CLDN16: variants seen among roughly 807,000 people sequenced by gnomAD.
CLDN16 encodes claudin 16, also known as claudin-16.
Under a neutral mutation model 24.6 loss-of-function variants are expected in CLDN16, and 13 were observed. The ratio of observed to expected loss-of-function variants is 0.53; its 90% CI spans 0.34 to 0.84. The LOEUF is 0.84. CLDN16 is among the 40% of genes least tolerant of loss of function. The pLI, the probability that CLDN16 is intolerant of heterozygous loss-of-function variation, is 0.01. For missense variants in CLDN16, 298 were observed against 292.7 expected, an observed-to-expected ratio of 1.02 and a Z score of -0.13; for synonymous variants, 116 against 106.7, an observed-to-expected ratio of 1.09 and a Z score of -0.54.
At chr3:190,372,708 T>C (rs1229677067) in intron 2 of CLDN16, among the ~76,000 whole-genome samples, 1 of 151,980 alleles carries the variant, frequency 6.6e-6, no homozygotes, top group African/African-American at 2.4e-5. Context: ...ACCTGTGTAA[T>C]GTGGCCCTTT....
intron 1 of CLDN16, among the ~76,000 whole-genome samples, chr3:190,390,997 G>C (rs1718643639): frequency 6.6e-6 from 1 of 152,026 alleles, no homozygotes; most frequent in Non-Finnish European, 1.5e-5. Context: ...CTGTTCTCTA[G>C]GCTGGTCTCC....
chr3:190,333,511 T>C (rs1038612859), intron 1 of CLDN16, among the ~76,000 whole-genome samples: 3 of 149,434 alleles, frequency 2.0e-5, no homozygotes, highest in Middle Eastern at 3.2e-3. Context: ...ACTATGTAGC[T>C]AAAACAATTA....
intron 1 of CLDN16, among the ~76,000 whole-genome samples, chr3:190,327,283 A>C (rs564087380): frequency 3.9e-4 from 59 of 152,290 alleles, no homozygotes; most frequent in African/African-American, 1.3e-3. Flanking sequence ...CAAATTACGG[A>C]GGGTAATGCA....
intron 1 of CLDN16, among the ~76,000 whole-genome samples, chr3:190,355,737 T>G (rs1392306296): frequency 6.6e-6 from 1 of 151,806 alleles, no homozygotes; most frequent in Non-Finnish European, 1.5e-5. Context: ...GCATTGAGAT[T>G]CTAGTGGTAT....
intron 1 of CLDN16, among the ~76,000 whole-genome samples, chr3:190,354,211 A>G (rs902313922): frequency 1.3e-5 from 2 of 152,036 alleles, no homozygotes; most frequent in African/African-American, 4.8e-5. Context: ...TTTTTGGAGT[A>G]TAATATTAAC....
chr3:190,356,269 A>G (rs537833296), intron 1 of CLDN16, among the ~76,000 whole-genome samples: 2 of 151,638 alleles, frequency 1.3e-5, no homozygotes, highest in African/African-American at 2.4e-5. Flanking sequence ...ATATGTCTCT[A>G]CATTTTTTTT....
At chr3:190,333,583 A>ATCT (rs1717233408) in intron 1 of CLDN16, among the ~76,000 whole-genome samples, 2 of 23,516 alleles carry the variant, frequency 8.5e-5, no homozygotes, top group Non-Finnish European at 1.8e-4. Flanking sequence ...TCTATCTATC[A>ATCT]ATCATCTTTC....
At chr3:190,348,105 A>T (rs10937428) in intron 1 of CLDN16, among the ~76,000 whole-genome samples, 42,566 of 146,154 alleles carry the variant, frequency 0.29, 6,741 homozygotes, top group East Asian at 0.59. Flanking sequence ...AAAAAAAAAA[A>T]ATTAGCTGGC....
At chr3:190,331,547 C>T (rs1047355810) in intron 1 of CLDN16, among the ~76,000 whole-genome samples, 39 of 152,244 alleles carry the variant, frequency 2.6e-4, no homozygotes, top group African/African-American at 8.9e-4. Flanking sequence ...CTCTGTTGTA[C>T]TTGACAATTT....
intron 1 of CLDN16, among the ~76,000 whole-genome samples, chr3:190,340,736 AATCTC>A (rs1415981371): frequency 6.6e-6 from 1 of 152,126 alleles, no homozygotes; most frequent in Non-Finnish European, 1.5e-5. Context: ...AAAAGTCCAA[AATCTC>A]ATCTGAGACA....
intron 3 of CLDN16, among the ~76,000 whole-genome samples, chr3:190,406,553 A>G (rs978607920): frequency 2.6e-5 from 4 of 152,194 alleles, no homozygotes; most frequent in Non-Finnish European, 4.4e-5. Flanking sequence ...AAATTGAAAG[A>G]CAAAGCATGT....
At chr3:190,335,749 T>A (rs563150462) in intron 1 of CLDN16, among the ~76,000 whole-genome samples, 1 of 146,028 alleles carries the variant, frequency 6.8e-6, no homozygotes, top group South Asian at 2.2e-4. Context: ...CCTAAGGGCA[T>A]GCCCTGAATA....
intron 1 of CLDN16, among the ~76,000 whole-genome samples, 185 bp downstream of exon 1, chr3:190,388,628 G>T (rs1282301049): frequency 6.6e-6 from 1 of 152,106 alleles, no homozygotes; most frequent in East Asian, 1.9e-4. Flanking sequence ...TTATGAGGTA[G>T]GTCTTGTTAT....
In CLDN16 at chr3:190,404,932, G is replaced by C. The variant is rs1560098738; in HGVS notation, c.382+6G>C. 2.5e-6 allele frequency: 4 copies of C among 1,613,666 alleles called. No individual in the cohort carries two copies. ...AGCCACGTTACTAATAGCAGGTACC[G>C]GTCTGGCTGGACTAGCAACAGGGGT... is the stretch of plus-strand genomic sequence containing the variant. On this transcript the variant is annotated splice_donor_region_variant and intron_variant, in intron 3 of 4. Coordinates refer to ENST00000264734, the MANE Select transcript of CLDN16 (RefSeq NM_006580.4).
chr3:190,317,092 A>G, the CLDN16 span, among the ~76,000 whole-genome samples: 1 of 152,216 alleles, frequency 6.6e-6, no homozygotes, highest in Non-Finnish European at 1.5e-5. Context: ...GCTATAAAAC[A>G]ACAATTTGGA....
At chr3:190,406,950 C>T (rs1219263088) in intron 3 of CLDN16, among the ~76,000 whole-genome samples, 1 of 151,978 alleles carries the variant, frequency 6.6e-6, no homozygotes, top group African/African-American at 2.4e-5. Flanking sequence ...CCATGTTGGC[C>T]AGGATGGTCT....
upstream of CLDN16, among the ~76,000 whole-genome samples, chr3:190,318,468 A>G (rs1334548381): frequency 1.3e-5 from 2 of 152,186 alleles, no homozygotes; most frequent in Non-Finnish European, 1.5e-5. Flanking sequence ...AATAGGGCCT[A>G]GCTTGCATCT....
chr3:190,364,628 A>G (rs773918756), intron 1 of CLDN16, among the ~76,000 whole-genome samples: 12 of 151,842 alleles, frequency 7.9e-5, no homozygotes, highest in Admixed American at 2.6e-4. Context: ...TCTAATTGCA[A>G]CTTACACTTC....
intron 1 of CLDN16, among the ~76,000 whole-genome samples, chr3:190,366,780 A>G (rs1718034677): frequency 1.3e-5 from 2 of 151,914 alleles, no homozygotes; most frequent in Admixed American, 6.6e-5. Flanking sequence ...GAAGCTCCCT[A>G]TAACAGAGCA....
Sources: allele counts gnomAD v4.1 joint callset (sites outside exome capture counted in the v4.1 genomes callset), GRCh38; gene constraint gnomAD v4.1.1; transcripts MANE v1.5; gene names NCBI Gene and HGNC (gene_info 2026-07-23, HGNC 2026-07-21).